CPNE4: variants seen among roughly 807,000 people sequenced by gnomAD.
The protein encoded by CPNE4 is copine 4, also known as copine-4.
In CPNE4, 25 loss-of-function variants were observed where a neutral mutation model predicts 67.9. The ratio of observed to expected loss-of-function variants is 0.37; its 90% CI spans 0.27 to 0.51. The LOEUF (loss-of-function observed/expected upper bound fraction) is 0.51, where lower values mean the gene tolerates loss of function less well. Among genes scored for constraint, CPNE4 ranks in the 20% least tolerant of loss-of-function variants. CPNE4 has a pLI of 0.93. For missense variants in CPNE4, 464 were observed against 690.8 expected, an observed-to-expected ratio of 0.67 and a Z score of 3.68; for synonymous variants, 242 against 244.9, an observed-to-expected ratio of 0.99 and a Z score of 0.11.
intron 1 of CPNE4, among the ~76,000 whole-genome samples, chr3:131,952,773 G>T (rs2107893963): frequency 1.3e-5 from 2 of 152,294 alleles, no homozygotes; most frequent in South Asian, 4.1e-4. Flanking sequence ...GGGCCAGGAT[G>T]ACCATGGCGG....
At chr3:131,877,054 T>C (rs987484459) in intron 2 of CPNE4, among the ~76,000 whole-genome samples, 1 of 152,116 alleles carries the variant, frequency 6.6e-6, no homozygotes, top group Non-Finnish European at 1.5e-5. Flanking sequence ...CTTGCCTTCC[T>C]CTGCTTTAGG....
At chr3:131,755,043 T>G (rs1416187737) in intron 2 of CPNE4, among the ~76,000 whole-genome samples, 4 of 152,158 alleles carry the variant, frequency 2.6e-5, no homozygotes, top group Non-Finnish European at 5.9e-5. Context: ...TGTCGAAAAG[T>G]TGAACACATT....
intron 2 of CPNE4, among the ~76,000 whole-genome samples, chr3:131,852,271 C>T (rs988277766): frequency 2.0e-5 from 3 of 151,576 alleles, no homozygotes; most frequent in African/African-American, 7.3e-5. Flanking sequence ...AATATTAGCA[C>T]ATGTAAGCAA....
chr3:131,683,169 C>T (rs539339158), intron 6 of CPNE4, among the ~76,000 whole-genome samples: 38 of 152,234 alleles, frequency 2.5e-4, no homozygotes, highest in African/African-American at 8.9e-4. Context: ...AAAATCAAGT[C>T]CCCTCTACTT....
intron 7 of CPNE4, among the ~76,000 whole-genome samples, chr3:131,652,111 A>G (rs567872655): frequency 2.0e-5 from 3 of 152,336 alleles, no homozygotes; most frequent in Non-Finnish European, 4.4e-5. Context: ...ATGCTTTCCA[A>G]AGAAATTAGG....
chr3:131,565,217 T>C (rs968718548), intron 10 of CPNE4, among the ~76,000 whole-genome samples: 5 of 151,954 alleles, frequency 3.3e-5, no homozygotes, highest in African/African-American at 9.7e-5. Context: ...AAAAATCTCT[T>C]TAAAAATGCC....
chr3:131,676,147 G>A (rs943434902), intron 6 of CPNE4, among the ~76,000 whole-genome samples: 5 of 151,166 alleles, frequency 3.3e-5, no homozygotes, highest in South Asian at 2.1e-4. Flanking sequence ...CCTCCACCTC[G>A]TAGGTTCAAG....
intron 2 of CPNE4, among the ~76,000 whole-genome samples, chr3:131,842,343 C>T (rs572719614): frequency 6.6e-6 from 1 of 152,318 alleles, no homozygotes; most frequent in South Asian, 2.1e-4. Flanking sequence ...TAATGACCAA[C>T]TGGATCCATT....
intron 2 of CPNE4, among the ~76,000 whole-genome samples, chr3:131,767,797 TA>T (rs2083061546): frequency 6.6e-6 from 1 of 151,922 alleles, no homozygotes; most frequent in African/African-American, 2.4e-5. Context: ...TTTATTTATT[TA>T]TTTATTTTTT....
At chr3:131,651,899 G>A (rs1036214290) in intron 7 of CPNE4, among the ~76,000 whole-genome samples, 1 of 152,082 alleles carries the variant, frequency 6.6e-6, no homozygotes, top group Admixed American at 6.6e-5. Context: ...GGATGATAAA[G>A]TTGTTGGAAT....
intron 1 of CPNE4, among the ~76,000 whole-genome samples, chr3:131,933,635 G>A (rs2071134183): frequency 6.6e-6 from 1 of 152,010 alleles, no homozygotes; most frequent in African/African-American, 2.4e-5. Flanking sequence ...TAAGCTAGGT[G>A]TTCATCAATG....
At chr3:131,766,694 T>TA (rs1171706339) in intron 2 of CPNE4, among the ~76,000 whole-genome samples, 1 of 152,054 alleles carries the variant, frequency 6.6e-6, no homozygotes, top group East Asian at 1.9e-4. Context: ...ATTAGAATTC[T>TA]AAAAACTGGA....
chr3:131,792,200 T>C (rs2083744226), intron 2 of CPNE4, among the ~76,000 whole-genome samples: 1 of 152,120 alleles, frequency 6.6e-6, no homozygotes, highest in African/African-American at 2.4e-5. Flanking sequence ...TATGTTTCCA[T>C]CCAATTTCTT....
chr3:131,552,569 T>G, intron 12 of CPNE4, 78 bp from the exon 13 acceptor site: 1 of 1,202,560 alleles, frequency 8.3e-7, no homozygotes, highest in Non-Finnish European at 1.2e-6. Context: ...CACTGGGGTT[T>G]AGAGTTTGCA....
rs112602479 is a variant in CPNE4, at chr3:131,587,807, A to G, written c.682-225T>C. Among the ~76,000 whole-genome samples, 1,241 of 152,342 alleles carry G rather than the reference A, an allele frequency of 8.1e-3. 10 individuals are homozygous for G. The highest frequency in any genetic ancestry group is 0.024 in the Middle Eastern group (7 of 294). ...GCCCTGTGATGCAGCAGTGACTACA[A>G]TGATCTGCCCATTTTTCAGATAAGG... On this transcript the variant is annotated intron_variant, in intron 7 of 15. Coordinates refer to ENST00000429747, the MANE Select transcript of CPNE4 (RefSeq NM_130808.3).
intron 1 of CPNE4, among the ~76,000 whole-genome samples, chr3:132,027,268 T>G (rs1192738040): frequency 6.6e-6 from 1 of 152,142 alleles, no homozygotes; most frequent in Non-Finnish European, 1.5e-5. Context: ...TTATTCTCAC[T>G]GCTGTAACTA....
chr3:131,997,686 G>A (rs955323504), intron 1 of CPNE4, among the ~76,000 whole-genome samples: 1 of 152,076 alleles, frequency 6.6e-6, no homozygotes, highest in East Asian at 1.9e-4. Flanking sequence ...GCAATATGGA[G>A]AACATTTTTA....
At chr3:131,772,141 A>G (rs2083183152) in intron 2 of CPNE4, among the ~76,000 whole-genome samples, 1 of 152,120 alleles carries the variant, frequency 6.6e-6, no homozygotes, top group African/African-American at 2.4e-5. Flanking sequence ...TTGGGCTGTT[A>G]TAGGTGGCAG....
At chr3:131,845,359 G>C (rs975087962) in intron 2 of CPNE4, among the ~76,000 whole-genome samples, 1 of 152,156 alleles carries the variant, frequency 6.6e-6, no homozygotes, top group East Asian at 1.9e-4. Flanking sequence ...AAAGATAAAT[G>C]TTTTACCTGA....
Sources: gnomAD v4.1 joint callset for allele counts (sites outside exome capture counted in the v4.1 genomes callset) on GRCh38, gnomAD v4.1.1 for gene constraint, MANE v1.5 for transcripts, NCBI Gene and HGNC (gene_info 2026-07-23, HGNC 2026-07-21) for gene names.